The following SGTA variants were observed in gnomAD, a reference collection of about 807,000 sequenced individuals.
SGTA encodes small glutamine-rich tetratricopeptide repeat-containing protein alpha.
In SGTA, 22 loss-of-function variants were observed where a neutral mutation model predicts 44.3. The observed-to-expected ratio is 0.50, with a 90% confidence interval of 0.36 to 0.71. The LOEUF (loss-of-function observed/expected upper bound fraction) is 0.71, where lower values mean the gene tolerates loss of function less well. Ranked by LOEUF, SGTA falls within the 30% of genes least tolerant of loss-of-function variation. The pLI is 0.00. For synonymous variants in SGTA, 174 were observed against 177.6 expected, an observed-to-expected ratio of 0.98 and a Z score of 0.16; for missense variants, 341 against 435.9, an observed-to-expected ratio of 0.78 and a Z score of 1.94.
intron 1 of SGTA, among the ~76,000 whole-genome samples, chr19:2,778,613 C>A (rs1448605822): frequency 6.6e-6 from 1 of 151,998 alleles, no homozygotes; most frequent in African/African-American, 2.4e-5. Context: ...AGCTTAGACA[C>A]CCTGGGCTAG....
chr19:2,756,239 G>T (rs1914815734), intron 11 of SGTA, among the ~76,000 whole-genome samples: 1 of 151,700 alleles, frequency 6.6e-6, no homozygotes, highest in Non-Finnish European at 1.5e-5. Flanking sequence ...ATAAATAAAA[G>T]CTTATTTAAA....
At chr19:2,774,878 A>T (rs761559929) in intron 1 of SGTA, among the ~76,000 whole-genome samples, 5 of 152,116 alleles carry the variant, frequency 3.3e-5, no homozygotes, top group Admixed American at 1.3e-4. Context: ...GTGTGCGTGC[A>T]TGTCTCTCCA....
intron 1 of SGTA, among the ~76,000 whole-genome samples, chr19:2,778,181 A>G (rs541806322): frequency 6.6e-6 from 1 of 152,254 alleles, no homozygotes; most frequent in South Asian, 2.1e-4. Flanking sequence ...TTCCAGGCAC[A>G]CAGGGCCTAG....
In SGTA at chr19:2,761,495, C is replaced by T. The variant is rs1476969318; in HGVS notation, c.664G>A (p.Ala222Thr). 6 of 1,551,374 alleles carry T rather than the reference C, an allele frequency of 3.9e-6. No individual in the cohort carries two copies. Among genetic ancestry groups the T allele is most frequent in the East Asian group, 4.9e-5 (2 of 40,934 alleles). The change falls in exon 8 of 12, where the codon GCC (alanine) becomes ACC (threonine). Residue 222 changes from alanine to threonine, a missense_variant. Physicochemically the swap from Ala to Thr is moderately conservative, Grantham distance 58. Transcript: ENST00000221566. This position sits in a 1 kb window ranked among gnomAD's most constrained non-coding sequence, Gnocchi z 5.7. ...PTGGVGSFDI[A>T]GLLNNPGFMS... ...AAGCCAGGGTTGTTCAGCAGGCCGG[C>T]GATGTCGAAGCTGCCCACGCCTCCC...
At chr19:2,766,385 G>T (rs749748922) in intron 4 of SGTA, among the ~76,000 whole-genome samples, 3 of 151,998 alleles carry the variant, frequency 2.0e-5, no homozygotes, top group Non-Finnish European at 4.4e-5. Flanking sequence ...CATTTAGCGT[G>T]GACAGGCATT....
At chr19:2,776,957 C>T (rs1207868092) in intron 1 of SGTA, among the ~76,000 whole-genome samples, 3 of 148,930 alleles carry the variant, frequency 2.0e-5, no homozygotes, top group Admixed American at 1.3e-4. Flanking sequence ...AGCAAAACTC[C>T]GTCTCAAAAA....
At chr19:2,760,517 CAAA>C (rs58836148) in intron 8 of SGTA, among the ~76,000 whole-genome samples, 2 of 51,628 alleles carry the variant, frequency 3.9e-5, no homozygotes, top group Non-Finnish European at 8.4e-5. Context: ...GACTCCATCT[CAAA>C]AAAAAAAAAA....
At chr19:2,771,450 G>T (rs1235543840) in intron 1 of SGTA, among the ~76,000 whole-genome samples, 1 of 152,068 alleles carries the variant, frequency 6.6e-6, no homozygotes, top group African/African-American at 2.4e-5. Flanking sequence ...ATTCCTCGTG[G>T]TGAGTCTCGT....
Position 2,757,387 on chromosome 19 carries a change from G to A in SGTA, c.898C>T (p.Arg300Trp), listed in dbSNP as rs563515459. The change falls in exon 11 of 12, where the codon CGG becomes TGG. Residue 300 changes from arginine (R) to tryptophan (W), a missense_variant. Physicochemically the swap from Arg to Trp is moderately radical, Grantham distance 101. Transcript: ENST00000221566. ...ELIEQLRSQI[R>W]SRTPSASNDD... ...TTGCTGGCGCTGGGCGTCCGACTCC[G>A]GATCTGGCTCCTGAGCTGCTCTATC... is the stretch of plus-strand genomic sequence containing the variant. The A allele has an allele frequency of 8.7e-6, 14 of 1,607,340 alleles. No homozygotes were observed. Among genetic ancestry groups the A allele is most frequent in the South Asian group, 3.3e-5 (3 of 91,086 alleles).
Position 2,762,651 on chromosome 19 carries a change from G to A in SGTA, c.498-7C>T. 6.2e-7 allele frequency: 1 copy of A among 1,613,746 alleles called. No homozygotes were observed. Among genetic ancestry groups the A allele is most frequent in the Non-Finnish European group, 8.5e-7 (1 of 1,179,944 alleles). On this transcript the variant is annotated splice_region_variant and splice_polypyrimidine_tract_variant and intron_variant, in intron 6 of 11. Coordinates refer to ENST00000221566, the MANE Select transcript of SGTA (RefSeq NM_003021.4). ...GAGGCTGGAGAGCGCCAGGCTGGAG[G>A]AGAGCACCGGGGATGGACTGTTCCC...
In SGTA at chr19:2,763,714, G is replaced by T. The variant is rs777754747; in HGVS notation, c.436C>A (p.Gln146Lys). The part of the protein sequence containing the change: ...SKLGNYAGAV[Q>K]DCERAICIDP... ...ATGCAGATGGCCCGCTCACAGTCCT[G>T]CACCGCGCCTGCGTAGTTGCCGAGT... is the stretch of plus-strand genomic sequence containing the variant. The change falls in exon 6 of 12, where the codon CAG becomes AAG. Residue 146 changes from glutamine to lysine, a missense_variant. Physicochemically the swap from Gln to Lys is moderately conservative, Grantham distance 53. Transcript: ENST00000221566. This position sits in a 1 kb window ranked among gnomAD's most constrained non-coding sequence, Gnocchi z 5.8. 1 of 1,613,840 alleles carries T rather than the reference G, an allele frequency of 6.2e-7. No individual in the cohort carries two copies. The highest frequency in any genetic ancestry group is 8.5e-7 in the Non-Finnish European group (1 of 1,179,978).
At chr19:2,756,229 A>G (rs1914815218) in intron 11 of SGTA, among the ~76,000 whole-genome samples, 1 of 152,054 alleles carries the variant, frequency 6.6e-6, no homozygotes, top group Non-Finnish European at 1.5e-5. Flanking sequence ...AAAAGGAAAA[A>G]TAAATAAAAG....
chr19:2,768,231 G>A (rs909910550), intron 2 of SGTA, among the ~76,000 whole-genome samples: 1 of 152,150 alleles, frequency 6.6e-6, no homozygotes, highest in Non-Finnish European at 1.5e-5. Flanking sequence ...CTCCCACCGA[G>A]CCAGACAACA....
Position 2,767,412 on chromosome 19 carries a change from G to A in SGTA, c.207+168C>T, listed in dbSNP as rs1000801960. Among the ~76,000 whole-genome samples, 3 of 152,210 alleles carry A rather than the reference G, an allele frequency of 2.0e-5. No homozygotes were observed. The highest frequency in any genetic ancestry group is 4.8e-5 in the African/African-American group (2 of 41,462). On this transcript the variant is annotated intron_variant, in intron 3 of 11. Coordinates refer to ENST00000221566, the MANE Select transcript of SGTA (RefSeq NM_003021.4). The surrounding 1 kb of genome is among the most constrained non-coding windows in gnomAD (Gnocchi z 7.3). ...AGCGCTATGTGTCTCAGGACCCGCC[G>A]ATAGGGGGAGGAGGGCCAAGTGCTC...
intron 9 of SGTA, 60 bp from the exon 10 acceptor site, chr19:2,757,842 G>A (rs907642030): frequency 2.5e-6 from 3 of 1,182,470 alleles, no homozygotes; most frequent in Admixed American, 2.8e-5. Context: ...CCCACTGCAG[G>A]CCCTCGCAGT....
chr19:2,767,498 CG>C lies in SGTA; in HGVS notation c.207+81del. On this transcript the variant is annotated intron_variant, in intron 3 of 11. Transcript: ENST00000221566. The surrounding 1 kb of genome is among the most constrained non-coding windows in gnomAD (Gnocchi z 7.3). ...GCAGAGTGCTGGGGGACGATGAGAG[CG>C]GGGCTCCTGGGGTCCCCAGGGCTGC... The C allele has an allele frequency of 3.5e-6, 4 of 1,152,594 alleles. No individual in the cohort carries two copies. In the South Asian group the frequency reaches 5.1e-5, roughly 15 times the overall value. The allele number at this position is 1,152,594 out of a possible 1,614,324, so 71.4% of individuals were successfully genotyped here. A position where few individuals can be genotyped will look rare whatever the true frequency, so the allele number is the denominator to read the frequency against.
Position 2,763,820 on chromosome 19 carries a change from G to C in SGTA, c.393-63C>G. ...GCTCTGAGCCCAGCGGGCAGCCCTT[G>C]AGGGGAGCCTGAGAGCTGCGTTCCT... On this transcript the variant is annotated intron_variant, in intron 5 of 11. Coordinates refer to ENST00000221566, the MANE Select transcript of SGTA (RefSeq NM_003021.4). The surrounding 1 kb of genome is among the most constrained non-coding windows in gnomAD (Gnocchi z 5.8). 1 of 1,357,750 alleles carries C rather than the reference G, an allele frequency of 7.4e-7. No homozygotes were observed. The highest frequency in any genetic ancestry group is 1.0e-6 in the Non-Finnish European group (1 of 968,038). The allele number at this position is 1,357,750 out of a possible 1,614,324, so 84.1% of individuals were successfully genotyped here.
intron 7 of SGTA, among the ~76,000 whole-genome samples, chr19:2,762,282 C>T (rs1462904316): frequency 1.3e-5 from 2 of 152,184 alleles, no homozygotes; most frequent in Admixed American, 6.5e-5. Context: ...CCTCAGCCTC[C>T]GCGGGCAGCC....
chr19:2,765,051 T>A lies in SGTA; in HGVS notation c.392+135A>T. 1 of 650,294 alleles carries A rather than the reference T, an allele frequency of 1.5e-6. No individual in the cohort carries two copies. The highest frequency in any genetic ancestry group is 2.7e-6 in the Non-Finnish European group (1 of 364,974). 40.3% of individuals were successfully genotyped at this position (650,294 alleles called of 1,614,324 possible). On this transcript the variant is annotated intron_variant, in intron 5 of 11. Coordinates refer to ENST00000221566, the MANE Select transcript of SGTA (RefSeq NM_003021.4). The surrounding 1 kb of genome is among the most constrained non-coding windows in gnomAD (Gnocchi z 5.5). ...TTGCTGGTCACCTGATGCTCGCTCCTGGTCTGAGACCACCGGTGAATGGAT... is the reference window on the plus strand; with the variant it reads ...TTGCTGGTCACCTGATGCTCGCTCCAGGTCTGAGACCACCGGTGAATGGAT...
Sources: allele counts gnomAD v4.1 joint callset (sites outside exome capture counted in the v4.1 genomes callset), GRCh38; gene constraint gnomAD v4.1.1; non-coding constraint Gnocchi (gnomAD v3.1); transcripts MANE v1.5; gene names NCBI Gene and HGNC (gene_info 2026-07-23, HGNC 2026-07-21).